GRM8: variants seen among roughly 807,000 people sequenced by gnomAD.
GRM8 encodes metabotropic glutamate receptor 8.
A neutral mutation model predicts 87.2 loss-of-function variants in GRM8; 47 were observed. That is an observed-to-expected ratio of 0.54 (90% CI 0.43 to 0.69). GRM8 has a LOEUF of 0.69. Among genes scored for constraint, GRM8 ranks in the 30% least tolerant of loss-of-function variants. The pLI is 0.00. For synonymous variants in GRM8, 396 were observed against 404.5 expected (o/e 0.98, Z 0.25); for missense variants, 1,019 against 1,139.2 (o/e 0.89, Z 1.52).
intron 3 of GRM8, among the ~76,000 whole-genome samples, chr7:126,911,184 C>T (rs1803252769): frequency 6.6e-6 from 1 of 152,114 alleles, no homozygotes; most frequent in Admixed American, 6.5e-5. Flanking sequence ...TATTATCAAA[C>T]ATCCTAAATT....
chr7:127,106,185 A>G (rs1029414052), intron 3 of GRM8, among the ~76,000 whole-genome samples: 22 of 152,178 alleles, frequency 1.4e-4, no homozygotes, highest in Non-Finnish European at 1.9e-4. Flanking sequence ...ATCAAATAGT[A>G]TGTCATTTAT....
At chr7:126,642,437 G>A (rs1179652575) in intron 7 of GRM8, among the ~76,000 whole-genome samples, 2 of 152,078 alleles carry the variant, frequency 1.3e-5, no homozygotes, top group Non-Finnish European at 1.5e-5. Context: ...AGGAGATCAA[G>A]ACCATCCTGG....
chr7:126,678,313 C>G (rs1354569874), intron 7 of GRM8, among the ~76,000 whole-genome samples: 1 of 152,084 alleles, frequency 6.6e-6, no homozygotes, highest in East Asian at 1.9e-4. Context: ...TAGATATAGA[C>G]TAGTGTTCTT....
At chr7:126,625,750 A>G (rs763838095) in intron 7 of GRM8, among the ~76,000 whole-genome samples, 49 of 152,212 alleles carry the variant, frequency 3.2e-4, no homozygotes, top group Non-Finnish European at 6.3e-4. Context: ...GGAGGTTTAA[A>G]TAAAATCTCT....
chr7:126,650,804 T>C (rs1803749765), intron 7 of GRM8, among the ~76,000 whole-genome samples: 4 of 151,780 alleles, frequency 2.6e-5, no homozygotes, highest in Admixed American at 2.0e-4. Flanking sequence ...TCAGCCTCTT[T>C]CCCCAGCCAC....
intron 7 of GRM8, among the ~76,000 whole-genome samples, chr7:126,711,519 T>A (rs868239068): frequency 6.6e-6 from 1 of 152,202 alleles, no homozygotes. Context: ...GAATAGTCAA[T>A]GAGCATTGGC....
At chr7:127,134,524 G>T (rs1827850870) in intron 2 of GRM8, among the ~76,000 whole-genome samples, 4 of 152,012 alleles carry the variant, frequency 2.6e-5, no homozygotes, top group Admixed American at 2.6e-4. Flanking sequence ...TTTGAAGCAT[G>T]AACTAAAACA....
rs188477650 is a variant in GRM8, at chr7:127,110,009, G to A, written c.511-3297C>T. Among the ~76,000 whole-genome samples, 68 of 152,178 alleles carry A rather than the reference G, an allele frequency of 4.5e-4. 1 individual carries two copies. Among genetic ancestry groups the A allele is most frequent in the African/African-American group, 1.6e-3 (66 of 41,520 alleles). Reference sequence around the variant, plus strand: ...AGCAGAACATGGGAGGGCGAGGGGCGACAGAAAGAAGTTAGAGTATTTATC... The same window carrying A: ...AGCAGAACATGGGAGGGCGAGGGGCAACAGAAAGAAGTTAGAGTATTTATC... On this transcript the variant is annotated intron_variant, in intron 2 of 10. Transcript: ENST00000339582.
chr7:127,031,561 C>G (rs1399149053), intron 3 of GRM8, among the ~76,000 whole-genome samples: 2 of 151,960 alleles, frequency 1.3e-5, no homozygotes, highest in Admixed American at 6.6e-5. Flanking sequence ...GTTACAAACT[C>G]TAAAGCTTTT....
At chr7:127,200,830 A>G (rs972427530) in intron 2 of GRM8, among the ~76,000 whole-genome samples, 1 of 152,198 alleles carries the variant, frequency 6.6e-6, no homozygotes, top group Non-Finnish European at 1.5e-5. Flanking sequence ...TAAAGACCCT[A>G]TTTCAAAATA....
intron 3 of GRM8, among the ~76,000 whole-genome samples, chr7:127,077,365 C>A (rs752712485): frequency 6.6e-6 from 1 of 152,166 alleles, no homozygotes; most frequent in Non-Finnish European, 1.5e-5. Flanking sequence ...AAACTGTATT[C>A]CCCTAAACCT....
chr7:126,951,887 T>A (rs1808202209), intron 3 of GRM8, among the ~76,000 whole-genome samples: 1 of 151,948 alleles, frequency 6.6e-6, no homozygotes, highest in Non-Finnish European at 1.5e-5. Context: ...GAGGTGTGTA[T>A]ATGTGCAGGT....
intron 8 of GRM8, among the ~76,000 whole-genome samples, chr7:126,563,691 C>A (rs1301788625): frequency 6.6e-6 from 1 of 152,144 alleles, no homozygotes; most frequent in Admixed American, 6.5e-5. Context: ...CTCAAAAGGA[C>A]AGTTCTCCAA....
Position 126,533,779 on chromosome 7 carries a change from A to G in GRM8, c.1603T>C (p.Cys535Arg). 6.2e-7 allele frequency: 1 copy of G among 1,614,106 alleles called. No individual in the cohort carries two copies. The highest frequency in any genetic ancestry group is 8.5e-7 in the Non-Finnish European group (1 of 1,179,968). Reference sequence around the variant, plus strand: ...CCTTCACAGCGTTCACAGTGCCAGCAGCAAGGGACCCCTTTCACCGTTTTC... The same window carrying G: ...CCTTCACAGCGTTCACAGTGCCAGCGGCAAGGGACCCCTTTCACCGTTTTC... ...RKKTVKGVPC[C>R]WHCERCEGYN... Residue 535 changes from cysteine (C) to arginine (R), a missense_variant, in exon 9 of 11, where the codon TGC (cysteine) becomes CGC (arginine). Physicochemically the swap from Cys to Arg is radical, Grantham distance 180. Transcript: ENST00000339582.
chr7:126,861,456 T>G (rs1456490806), intron 6 of GRM8, among the ~76,000 whole-genome samples: 1 of 152,070 alleles, frequency 6.6e-6, no homozygotes, highest in African/African-American at 2.4e-5. Flanking sequence ...TCAACATTAC[T>G]AGATATTGCT....
intron 9 of GRM8, among the ~76,000 whole-genome samples, chr7:126,448,101 G>A (rs1802217538): frequency 6.6e-6 from 1 of 151,832 alleles, no homozygotes; most frequent in African/African-American, 2.4e-5. Context: ...TAGCATTGCT[G>A]CAAAAACCTA....
intron 6 of GRM8, among the ~76,000 whole-genome samples, chr7:126,799,927 G>A (rs1334780546): frequency 6.6e-6 from 1 of 152,090 alleles, no homozygotes; most frequent in Non-Finnish European, 1.5e-5. Flanking sequence ...TCAGAATCCA[G>A]TAATCTCCTC....
At chr7:126,588,294 T>C (rs1027963883) in intron 8 of GRM8, among the ~76,000 whole-genome samples, 6 of 143,318 alleles carry the variant, frequency 4.2e-5, no homozygotes, top group African/African-American at 1.5e-4. Flanking sequence ...GACAGTATAA[T>C]GTTGATAGAA....
chr7:126,778,257 A>G (rs1396775599), intron 6 of GRM8, among the ~76,000 whole-genome samples: 1 of 152,168 alleles, frequency 6.6e-6, no homozygotes, highest in African/African-American at 2.4e-5. Context: ...CTGAGGACAC[A>G]TGAGGAGACA....
Sources: allele counts gnomAD v4.1 joint callset (sites outside exome capture counted in the v4.1 genomes callset), GRCh38; gene constraint gnomAD v4.1.1; transcripts MANE v1.5; gene names NCBI Gene and HGNC (gene_info 2026-07-23, HGNC 2026-07-21).